Variants in DCHS2 observed in about 807,000 individuals in gnomAD.
The protein encoded by DCHS2 is dachsous cadherin-related 2.
Under a neutral mutation model 182.4 loss-of-function variants are expected in DCHS2, and 142 were observed. That is an observed-to-expected ratio of 0.78 (90% CI 0.68 to 0.89). DCHS2 has a LOEUF of 0.89. Among genes scored for constraint, DCHS2 ranks in the 40% least tolerant of loss-of-function variants. The probability of loss-of-function intolerance (pLI) is 0.00; values close to 1 mark genes in which losing one functional copy is unlikely to be tolerated. For missense variants in DCHS2, 4,319 were observed against 4,198.6 expected (o/e 1.03, Z -0.79); for synonymous variants, 1,740 against 1,663.3 (o/e 1.05, Z -1.12).
rs77504983 is a variant in DCHS2 at position 154,276,745 on chromosome 4, A to G, written c.6464-6732T>C. Reference sequence around the variant, plus strand: ...CCTTGCTGCACAAAGGCACGGACTTAACAAGAACATATGTTCCAAAAAGCC... The same window carrying G: ...CCTTGCTGCACAAAGGCACGGACTTGACAAGAACATATGTTCCAAAAAGCC... On this transcript the variant is annotated intron_variant, in intron 13 of 19. Transcript: ENST00000357232. 5.0e-3 allele frequency among the ~76,000 whole-genome samples: 767 copies of G among 152,354 alleles called. 8 individuals are homozygous for G. Among genetic ancestry groups the G allele is most frequent in the African/African-American group, 0.017 (712 of 41,588 alleles).
intron 1 of DCHS2, among the ~76,000 whole-genome samples, chr4:154,449,954 A>G (rs1451881436): frequency 6.6e-6 from 1 of 152,194 alleles, no homozygotes; most frequent in Non-Finnish European, 1.5e-5. Flanking sequence ...ACCTTTCCAC[A>G]AACAAGAGAA....
At chr4:154,481,184 T>C (rs553759927) in intron 1 of DCHS2, among the ~76,000 whole-genome samples, 11 of 152,314 alleles carry the variant, frequency 7.2e-5, no homozygotes, top group South Asian at 2.1e-4. Flanking sequence ...AGAGTATCTA[T>C]TGAGATCATA....
intron 13 of DCHS2, among the ~76,000 whole-genome samples, chr4:154,272,610 A>C (rs1307434756): frequency 2.0e-5 from 3 of 152,034 alleles, no homozygotes; most frequent in African/African-American, 4.8e-5. Flanking sequence ...ACTGCCATGT[A>C]AGGCATGCCT....
chr4:154,299,356 T>C (rs1735109180), intron 12 of DCHS2, among the ~76,000 whole-genome samples: 1 of 152,232 alleles, frequency 6.6e-6, no homozygotes, highest in African/African-American at 2.4e-5. Context: ...AAATCTGCCC[T>C]TTATTATATT....
chr4:154,477,117 C>A (rs1411580002), intron 1 of DCHS2, among the ~76,000 whole-genome samples: 1 of 152,134 alleles, frequency 6.6e-6, no homozygotes, highest in Non-Finnish European at 1.5e-5. Flanking sequence ...AAGTTTATTT[C>A]TCATGGTTCT....
chr4:154,465,626 G>A (rs140287329), intron 1 of DCHS2, among the ~76,000 whole-genome samples: 1,575 of 151,438 alleles, frequency 0.01, 14 homozygotes, highest in Middle Eastern at 0.034. Context: ...CTGAGATCAC[G>A]CCACTACACT....
Position 154,234,553 on chromosome 4 carries a change from CT to C in DCHS2, c.10098del (p.Asp3367MetfsTer22). 1 of 1,608,966 alleles carries C rather than the reference CT, an allele frequency of 6.2e-7. No homozygotes were observed. Among genetic ancestry groups the C allele is most frequent in the South Asian group, 1.1e-5 (1 of 90,426 alleles). ...CAGTGGTTTCATATTTGAACTTCATCTTCTGCTTTAAGTTCATGGCATGTAC... is the reference window on the plus strand; with the variant it reads ...CAGTGGTTTCATATTTGAACTTCATCTCTGCTTTAAGTTCATGGCATGTAC... ...ISGTCHELKA[E>X]DEVQI On this transcript the variant is annotated frameshift_variant, in exon 20 of 20. Coordinates refer to ENST00000357232, the MANE Select transcript of DCHS2 (RefSeq NM_001358235.2). LOFTEE classifies it high-confidence loss of function.
At chr4:154,431,770 T>G (rs1397349445) in intron 1 of DCHS2, among the ~76,000 whole-genome samples, 1 of 152,174 alleles carries the variant, frequency 6.6e-6, no homozygotes, top group Non-Finnish European at 1.5e-5. Context: ...GTTCCCAGAC[T>G]CCATGGGCCT....
At chr4:154,352,372 C>T (rs889716795) in intron 3 of DCHS2, 2 of 152,132 alleles carry the variant, frequency 1.3e-5, no homozygotes, top group African/African-American at 2.4e-5. Flanking sequence ...GCCACCCCCT[C>T]TAATCGCAGA....
At chr4:154,415,554 G>C (rs894937828) in intron 1 of DCHS2, among the ~76,000 whole-genome samples, 2 of 152,196 alleles carry the variant, frequency 1.3e-5, no homozygotes, top group Non-Finnish European at 2.9e-5. Context: ...GAGGCAGTCT[G>C]AGATTATTCA....
At chr4:154,289,867 G>A (rs1434553057) in intron 13 of DCHS2, among the ~76,000 whole-genome samples, 1 of 152,008 alleles carries the variant, frequency 6.6e-6, no homozygotes, top group East Asian at 1.9e-4. Context: ...AAAAGCATTT[G>A]ATGAAATTCA....
At chr4:154,386,001 G>A (rs1375205278) in intron 1 of DCHS2, among the ~76,000 whole-genome samples, 1 of 151,936 alleles carries the variant, frequency 6.6e-6, no homozygotes, top group Non-Finnish European at 1.5e-5. Context: ...TGACTAATTG[G>A]CATCTCAAAT....
intron 10 of DCHS2, among the ~76,000 whole-genome samples, chr4:154,310,445 AC>A (rs1253799269): frequency 5.3e-5 from 8 of 152,228 alleles, no homozygotes. Flanking sequence ...TCTTTTGAAT[AC>A]TATAAATAAT....
rs201921215 is a variant in DCHS2, at chr4:154,273,234, G to GAT, written c.6464-3223_6464-3222dup. Among the ~76,000 whole-genome samples, 182 of 151,810 alleles carry GAT rather than the reference G, an allele frequency of 1.2e-3. 1 individual carries two copies. In the East Asian group the frequency reaches 0.026, roughly 22 times the overall value. On this transcript the variant is annotated intron_variant, in intron 13 of 19. Coordinates refer to ENST00000357232, the MANE Select transcript of DCHS2 (RefSeq NM_001358235.2). The stretch of plus-strand genomic sequence containing the variant: ...ATCATCGAGTAGATTAAGAAAATGT[G>GAT]ATATATATATATGCACACACACCAT...
At chr4:154,331,765 T>C (rs1192590857) in intron 5 of DCHS2, 1 of 1,562,350 alleles carries the variant, frequency 6.4e-7, no homozygotes, top group East Asian at 2.3e-5. Flanking sequence ...TGACTTTGGG[T>C]GTACTACTCG....
intron 1 of DCHS2, among the ~76,000 whole-genome samples, chr4:154,435,974 C>T (rs1305829831): frequency 6.6e-6 from 1 of 152,152 alleles, no homozygotes; most frequent in Non-Finnish European, 1.5e-5. Flanking sequence ...TCATATATAA[C>T]ATCGTGATAA....
intron 3 of DCHS2, among the ~76,000 whole-genome samples, chr4:154,352,265 G>A (rs1194159575): frequency 1.3e-5 from 2 of 152,160 alleles, no homozygotes; most frequent in African/African-American, 4.8e-5. Flanking sequence ...CTAAATATGG[G>A]ATCTTCTCTA....
intron 1 of DCHS2, among the ~76,000 whole-genome samples, chr4:154,383,139 T>C (rs774326598): frequency 3.9e-5 from 6 of 152,228 alleles, no homozygotes; most frequent in Non-Finnish European, 5.9e-5. Context: ...ATATGCACTA[T>C]GGAATGCTAC....
chr4:154,485,398 G>A (rs1479925105), intron 1 of DCHS2, among the ~76,000 whole-genome samples: 2 of 152,190 alleles, frequency 1.3e-5, no homozygotes, highest in African/African-American at 2.4e-5. Flanking sequence ...ACAGATACAC[G>A]CCTCTTGAGA....
Sources: gnomAD v4.1 joint callset for allele counts (sites outside exome capture counted in the v4.1 genomes callset) on GRCh38, gnomAD v4.1.1 for gene constraint, MANE v1.5 for transcripts, NCBI Gene and HGNC (gene_info 2026-07-23, HGNC 2026-07-21) for gene names.